Variants in FHIT observed in about 807,000 individuals in gnomAD.
The protein encoded by FHIT is fragile histidine triad diadenosine triphosphatase.
In FHIT, 19 loss-of-function variants were observed where a neutral mutation model predicts 17.9. The ratio of observed to expected loss-of-function variants is 1.06; its 90% confidence interval spans 0.74 to 1.56. The LOEUF is 1.56. FHIT is among the 40% of genes most tolerant of loss of function. FHIT has a pLI of 0.00. For missense variants in FHIT, 248 were observed against 189.2 expected, an observed-to-expected ratio of 1.31 and a Z score of -1.82; for synonymous variants, 81 against 69.7, an observed-to-expected ratio of 1.16 and a Z score of -0.81.
At chr3:60,007,313 G>A (rs112162581) in intron 7 of FHIT, among the ~76,000 whole-genome samples, 282 of 152,240 alleles carry the variant, frequency 1.9e-3, no homozygotes, top group Non-Finnish European at 2.1e-3. Flanking sequence ...AACTTGATTC[G>A]TGGAAATTTT....
intron 4 of FHIT, among the ~76,000 whole-genome samples, chr3:60,754,197 C>A (rs556403609): frequency 1.3e-5 from 2 of 152,188 alleles, no homozygotes; most frequent in Non-Finnish European, 2.9e-5. Context: ...ACTGTACCCA[C>A]TTTGCACTCT....
intron 5 of FHIT, among the ~76,000 whole-genome samples, chr3:60,287,196 T>A (rs1052664919): frequency 4.0e-5 from 6 of 151,868 alleles, no homozygotes; most frequent in African/African-American, 7.3e-5. Flanking sequence ...TCAGACAGAG[T>A]CTTGCTCTGT....
chr3:61,107,647 A>C (rs2036029878), intron 2 of FHIT, among the ~76,000 whole-genome samples: 1 of 152,208 alleles, frequency 6.6e-6, no homozygotes, highest in Non-Finnish European at 1.5e-5. Flanking sequence ...TCTTTCTGAT[A>C]ATAGCCTGAT....
intron 5 of FHIT, among the ~76,000 whole-genome samples, chr3:60,105,172 G>A (rs1048462688): frequency 2.0e-5 from 3 of 151,982 alleles, no homozygotes; most frequent in African/African-American, 4.8e-5. Flanking sequence ...TCCAGGATAC[G>A]GCTTCACTTA....
intron 8 of FHIT, among the ~76,000 whole-genome samples, chr3:59,792,882 G>T (rs1334386410): frequency 6.9e-6 from 1 of 144,402 alleles, no homozygotes; most frequent in Admixed American, 6.9e-5. Flanking sequence ...TGGGGGGGGG[G>T]GTCATGAACC....
At chr3:60,263,481 T>G (rs758652324) in intron 5 of FHIT, among the ~76,000 whole-genome samples, 52 of 152,056 alleles carry the variant, frequency 3.4e-4, no homozygotes, top group Non-Finnish European at 6.0e-4. Flanking sequence ...TGTAGTATAA[T>G]CATGCAACAA....
chr3:60,736,078 A>G (rs910102236), intron 4 of FHIT, among the ~76,000 whole-genome samples: 1 of 152,196 alleles, frequency 6.6e-6, no homozygotes, highest in African/African-American at 2.4e-5. Flanking sequence ...AGGAAATGCA[A>G]ATCAGCTCTA....
At chr3:60,044,633 G>A (rs1243848410) in intron 5 of FHIT, among the ~76,000 whole-genome samples, 2 of 152,108 alleles carry the variant, frequency 1.3e-5, no homozygotes, top group Non-Finnish European at 2.9e-5. Context: ...AAACTCAAGA[G>A]CTCATATGAT....
At chr3:60,663,146 G>T (rs2040298474) in intron 4 of FHIT, among the ~76,000 whole-genome samples, 2 of 14,590 alleles carry the variant, frequency 1.4e-4, no homozygotes, top group African/African-American at 3.1e-4. Flanking sequence ...CCCTAATATT[G>T]GGTGGAGATA....
At chr3:61,165,725 C>A (rs2037817139) in intron 2 of FHIT, 1 of 152,090 alleles carries the variant, frequency 6.6e-6, no homozygotes, top group African/African-American at 2.4e-5. Context: ...ATACCAGCTA[C>A]TCGGGAGACT....
intron 3 of FHIT, among the ~76,000 whole-genome samples, chr3:60,977,753 C>T (rs1710324713): frequency 6.6e-6 from 1 of 152,108 alleles, no homozygotes; most frequent in Admixed American, 6.5e-5. Flanking sequence ...TGCCTGTAAT[C>T]CCAGCTACTC....
chr3:60,199,765 T>A (rs1404467383), intron 5 of FHIT, among the ~76,000 whole-genome samples: 6 of 152,090 alleles, frequency 3.9e-5, no homozygotes, highest in Admixed American at 3.3e-4. Context: ...TCAAAAGCAC[T>A]CAAGGATAAA....
chr3:60,363,726 C>T (rs1051278734), intron 5 of FHIT, among the ~76,000 whole-genome samples: 6 of 152,254 alleles, frequency 3.9e-5, no homozygotes, highest in East Asian at 3.9e-4. Flanking sequence ...AGGAGTCTGG[C>T]CTCCGTGAAC....
chr3:61,220,141 C>T (rs955801444), intron 1 of FHIT, among the ~76,000 whole-genome samples: 1 of 152,106 alleles, frequency 6.6e-6, no homozygotes, highest in Non-Finnish European at 1.5e-5. Flanking sequence ...TAAATTCAGC[C>T]CTCGTTTTCA....
chr3:60,626,547 T>C (rs1277543702), intron 4 of FHIT, among the ~76,000 whole-genome samples: 2 of 152,320 alleles, frequency 1.3e-5, no homozygotes, highest in Admixed American at 6.5e-5. Context: ...TTTGTGTATA[T>C]TGTTCTTGTA....
intron 5 of FHIT, among the ~76,000 whole-genome samples, chr3:60,178,590 G>A (rs1011581617): frequency 4.6e-5 from 7 of 151,934 alleles, no homozygotes; most frequent in Admixed American, 2.0e-4. Context: ...TGTTGGTGGC[G>A]GTGGGGGGAG....
At chr3:61,090,283 G>C (rs140180277) in intron 2 of FHIT, among the ~76,000 whole-genome samples, 1 of 152,184 alleles carries the variant, frequency 6.6e-6, no homozygotes. Flanking sequence ...TGATTCTTAA[G>C]ACATTTTCAA....
intron 2 of FHIT, among the ~76,000 whole-genome samples, chr3:61,173,887 G>T (rs1371598552): frequency 1.3e-5 from 2 of 152,178 alleles, no homozygotes. Context: ...CTTCTAACTT[G>T]TCATCCTGTT....
At chr3:61,171,067 C>G (rs1392366730) in intron 2 of FHIT, among the ~76,000 whole-genome samples, 1 of 152,176 alleles carries the variant, frequency 6.6e-6, no homozygotes. Flanking sequence ...ACACTCCCAC[C>G]AAAGGTGTAT....
Sources: allele counts gnomAD v4.1 joint callset (sites outside exome capture counted in the v4.1 genomes callset), GRCh38; gene constraint gnomAD v4.1.1; transcripts MANE v1.5; gene names NCBI Gene and HGNC (gene_info 2026-07-23, HGNC 2026-07-21).